PTOV1: variants seen among roughly 807,000 people sequenced by gnomAD.
PTOV1 encodes PTOV1 extended AT-hook containing adaptor protein, also known as prostate tumor-overexpressed gene 1 protein.
A neutral mutation model predicts 58.0 loss-of-function variants in PTOV1; 20 were observed. The ratio of observed to expected loss-of-function variants is 0.34; its 90% confidence interval spans 0.24 to 0.50. The LOEUF is 0.50. Among genes scored for constraint, PTOV1 ranks in the 20% least tolerant of loss-of-function variants. PTOV1 has a pLI of 0.98. For missense variants in PTOV1, 593 were observed against 565.4 expected (o/e 1.05, Z -0.50); for synonymous variants, 335 against 234.2 (o/e 1.43, Z -3.93).
rs148982635 is a variant in PTOV1 at position 49,854,633 on chromosome 19, G to T, written c.310-19G>T. ...GGGCATCTAGGCTGTGCACAGTGAC[G>T]CCCCTCCTGCCCCCACAGAAGCGCA... On this transcript the variant is annotated intron_variant, in intron 2 of 11. Transcript: ENST00000391842. 4 of 1,613,248 alleles carry T rather than the reference G, an allele frequency of 2.5e-6. No homozygotes were observed. In the East Asian group the frequency reaches 8.9e-5, roughly 36 times the overall value.
exon 1 of PTOV1, chr19:49,851,178 C>T (rs1455287878): frequency 1.6e-6 from 2 of 1,229,536 alleles, no homozygotes; most frequent in Non-Finnish European, 2.0e-6. Context: ...GCCGCGGCGA[C>T]CCCACTCCGG....
At chr19:49,851,145 C>T (rs968929555), upstream of PTOV1, 97 of 1,305,050 alleles carry the variant, frequency 7.4e-5, no homozygotes, top group Non-Finnish European at 8.5e-5. Context: ...GCGCCGGGCT[C>T]CCCCGCTCGC....
chr19:49,855,156 GGGGGTCGGGGGGTCTCCCCT>G (rs1313465821), intron 5 of PTOV1, 79 bp downstream of exon 5: 2 of 1,351,976 alleles, frequency 1.5e-6, no homozygotes, highest in Non-Finnish European at 2.1e-6. Flanking sequence ...CAGTCCAGGC[GGGGGTCGGGGGGTCTCCCCT>G]GGGGCCGAGG....
At chr19:49,859,640 C>A (rs890885103) in intron 10 of PTOV1, among the ~76,000 whole-genome samples, 56 of 152,116 alleles carry the variant, frequency 3.7e-4, no homozygotes, top group Admixed American at 6.5e-5. Context: ...CTTGCTTGTG[C>A]TGGGCCGGCC....
intron 1 of PTOV1, among the ~76,000 whole-genome samples, chr19:49,853,460 A>C (rs1600363947): frequency 6.7e-6 from 1 of 150,194 alleles, no homozygotes; most frequent in African/African-American, 2.5e-5. Context: ...GTTCGAGACC[A>C]GTCTGGCCAA....
intron 9 of PTOV1, 129 bp from the exon 10 acceptor site, chr19:49,858,420 G>A (rs543358197): frequency 2.1e-5 from 16 of 753,190 alleles, no homozygotes; most frequent in Admixed American, 1.6e-4. Flanking sequence ...CGGTGGAGAT[G>A]ACGTTTCCTG....
intron 1 of PTOV1, 128 bp downstream of exon 1, chr19:49,851,627 G>C (rs1469578462): frequency 1.9e-6 from 2 of 1,074,640 alleles, no homozygotes; most frequent in East Asian, 8.0e-5. Flanking sequence ...GGGTGGTCCC[G>C]CCCGGGGCCG....
upstream of PTOV1, chr19:49,851,030 G>A (rs1361423780): frequency 3.9e-6 from 6 of 1,524,790 alleles, no homozygotes; most frequent in East Asian, 2.5e-5. Flanking sequence ...CCGCGCCGGA[G>A]AGGCCCGCAG....
intron 1 of PTOV1, 56 bp downstream of exon 1, chr19:49,851,555 A>C (rs528262253): frequency 2.7e-5 from 26 of 980,128 alleles, no homozygotes; most frequent in Admixed American, 5.0e-5. Context: ...CCCAGCCCCT[A>C]TCCCGGGCTC....
chr19:49,860,305 A>G (rs893162249), exon 12 of PTOV1: 9 of 1,534,232 alleles, frequency 5.9e-6, no homozygotes, highest in Non-Finnish European at 7.1e-6. Flanking sequence ...GGGCCCCTCC[A>G]GGAGTCACAG....
At chr19:49,857,068 A>G in exon 6 of PTOV1, 2 of 1,614,116 alleles carry the variant, frequency 1.2e-6, no homozygotes, top group Non-Finnish European at 1.7e-6. Flanking sequence ...CATGGGCCTC[A>G]TCCCCTACGA....
chr19:49,852,174 G>A lies in PTOV1; in HGVS notation c.171+675G>A, dbSNP rs565421396. ...AAACCGCACATCGCGACTTTGCACC[G>A]TGCACACGCTTGCCCCGATGTGAGA... On this transcript the variant is annotated intron_variant, in intron 1 of 11. Transcript: ENST00000391842. The A allele has an allele frequency of 1.9e-5, 14 of 723,046 alleles. No homozygotes were observed. In the South Asian group the frequency reaches 5.0e-4, roughly 26 times the overall value. The allele number at this position is 723,046 out of a possible 1,614,324, so 44.8% of individuals were successfully genotyped here. A position where few individuals can be genotyped will look rare whatever the true frequency, so the allele number is the denominator to read the frequency against.
At chr19:49,853,042 G>C (rs1055442067) in intron 1 of PTOV1, 1 of 151,482 alleles carries the variant, frequency 6.6e-6, no homozygotes, top group Admixed American at 6.6e-5. Flanking sequence ...AGAATCACCT[G>C]CGTGGGTGAA....
chr19:49,852,143 G>A (rs546327670), intron 1 of PTOV1: 6 of 930,070 alleles, frequency 6.5e-6, no homozygotes, highest in Non-Finnish European at 7.7e-6. Flanking sequence ...TTTACCTGGG[G>A]CTGTAAAACC....
intron 5 of PTOV1, chr19:49,855,469 T>C: frequency 3.7e-6 from 1 of 270,186 alleles, no homozygotes; most frequent in South Asian, 4.2e-5. Context: ...GGCTTGGTAT[T>C]CTGGTCTGTA....
upstream of PTOV1, chr19:49,851,023 C>G: frequency 6.5e-7 from 1 of 1,528,804 alleles, no homozygotes; most frequent in Non-Finnish European, 8.8e-7. Context: ...GACTCCCCCG[C>G]GCCGGAGAGG....
In PTOV1 at chr19:49,858,055, A is replaced by C. The variant is rs112931931; in HGVS notation, c.879-2A>C. ...TGACCCTCGTCCCTTTGTGCCCCAC[A>C]GGAGGACCGAGCAGTGGCCAAGGAA... On this transcript the variant is annotated splice_acceptor_variant, in intron 8 of 11. Coordinates refer to ENST00000391842, the Ensembl canonical transcript of PTOV1. LOFTEE classifies it high-confidence loss of function. 6.2e-7 allele frequency: 1 copy of C among 1,614,110 alleles called. No homozygotes were observed. Among genetic ancestry groups the C allele is most frequent in the Admixed American group, 1.7e-5 (1 of 60,026 alleles).
intron 5 of PTOV1, 190 bp downstream of exon 5, chr19:49,855,267 C>A: frequency 1.6e-6 from 1 of 606,860 alleles, no homozygotes; most frequent in Non-Finnish European, 2.9e-6. Flanking sequence ...TGAAGGAACT[C>A]AGCCTGAGAG....
intron 6 of PTOV1, 80 bp downstream of exon 6, chr19:49,857,210 G>C: frequency 6.4e-7 from 1 of 1,551,418 alleles, no homozygotes. Flanking sequence ...CAGACTTGGT[G>C]TGGGCGGAGT....
Sources: allele counts gnomAD v4.1 joint callset (sites outside exome capture counted in the v4.1 genomes callset), GRCh38; gene constraint gnomAD v4.1.1; transcripts MANE v1.5; gene names NCBI Gene and HGNC (gene_info 2026-07-23, HGNC 2026-07-21).